Variants in P4HTM observed in about 807,000 individuals in gnomAD.
P4HTM encodes the protein prolyl 4-hydroxylase, transmembrane.
P4HTM carries 33 observed loss-of-function variants against 55.3 expected under a neutral mutation model. The observed-to-expected ratio is 0.60, with a 90% confidence interval of 0.45 to 0.80. The LOEUF (loss-of-function observed/expected upper bound fraction) is 0.80. Ranked by LOEUF, P4HTM falls within the 30% of genes least tolerant of loss-of-function variation. P4HTM has a pLI of 0.00. For synonymous variants in P4HTM, 272 were observed against 286.4 expected, an observed-to-expected ratio of 0.95 and a Z score of 0.51; for missense variants, 542 against 696.5, an observed-to-expected ratio of 0.78 and a Z score of 2.50.
rs1480805652 is a variant in P4HTM at position 49,002,607 on chromosome 3, A to G, written c.724+11A>G. 1 of 1,594,172 alleles carries G rather than the reference A, an allele frequency of 6.3e-7. No individual in the cohort carries two copies. The highest frequency in any genetic ancestry group is 1.3e-5 in the African/African-American group (1 of 74,460). On this transcript the variant is annotated intron_variant, in intron 4 of 8. Coordinates refer to ENST00000383729, the MANE Select transcript of P4HTM (RefSeq NM_177939.3). The surrounding 1 kb of genome is among the most constrained non-coding windows in gnomAD (Gnocchi z 4.4). ...ACCCTGATGGTGACGGTGAGCTCAC[A>G]CCTCTGCACAGTCCTATCCCCGTGA...
At position 49,006,173 on chromosome 3, in the gene P4HTM, T is replaced by G. The variant is rs750259045; in HGVS notation, c.1274T>G (p.Leu425Arg). 6 of 1,612,402 alleles carry G rather than the reference T, an allele frequency of 3.7e-6. No homozygotes were observed. Among genetic ancestry groups the G allele is most frequent in the Non-Finnish European group, 4.2e-6 (5 of 1,179,642 alleles). ...ACAGCAGTCTTCTGGTACAACTACC[T>G]GCCTGATGGGCAAGGTGAGGGCCTA... ...QGTAVFWYNYLPDGQGWVGDV... is the reference protein window; with the variant it reads ...QGTAVFWYNYRPDGQGWVGDV... The change falls in exon 8 of 9, where the codon CTG becomes CGG. Residue 425 changes from leucine to arginine, a missense_variant. Leu to Arg is a moderately radical substitution (Grantham distance 102). This residue lies in a region of P4HTM where 536 missense variants were observed against 672.1 expected (regional missense o/e 0.80). Transcript: ENST00000383729.
rs1402557139 is a variant in P4HTM at position 48,990,936 on chromosome 3, G to A, written c.436+22G>A. 3 of 1,603,668 alleles carry A rather than the reference G, an allele frequency of 1.9e-6. No individual in the cohort carries two copies. The highest frequency in any genetic ancestry group is 2.2e-5 in the East Asian group (1 of 44,726). Reference sequence around the variant, plus strand: ...TTCGGTAAGTCCGCCAGATACTCCTGGGAAGGGCCAGGGGCTGCGGTTTGG... The same window carrying A: ...TTCGGTAAGTCCGCCAGATACTCCTAGGAAGGGCCAGGGGCTGCGGTTTGG... On this transcript the variant is annotated intron_variant, in intron 2 of 8. Transcript: ENST00000383729. The surrounding 1 kb of genome is among the most constrained non-coding windows in gnomAD (Gnocchi z 7.2).
At position 49,002,920 on chromosome 3, in the gene P4HTM, C is replaced by A. The variant is rs1258240636; in HGVS notation, c.724+324C>A. ...GAGAACAGAGTGGGTGGAGCAGGAG[C>A]AAGGCGACAGTGAGGCCAGCTAGAG... On this transcript the variant is annotated intron_variant, in intron 4 of 8. Coordinates refer to ENST00000383729, the MANE Select transcript of P4HTM (RefSeq NM_177939.3). This position sits in a 1 kb window ranked among gnomAD's most constrained non-coding sequence, Gnocchi z 4.4. 1 of 417,392 alleles carries A rather than the reference C, an allele frequency of 2.4e-6. No homozygotes were observed. Among genetic ancestry groups the A allele is most frequent in the Non-Finnish European group, 4.5e-6 (1 of 220,254 alleles). 25.9% of individuals were successfully genotyped at this position (417,392 alleles called of 1,614,324 possible).
Position 49,002,530 on chromosome 3 carries a change from T to C in P4HTM, c.658T>C (p.Trp220Arg), listed in dbSNP as rs2092964251. ...VLAQTRLGNG[W>R]WMTPESIQEM... Reference sequence around the variant, plus strand: ...GGCCCAGACTCGCCTGGGAAATGGATGGTGGATGACTCCAGAGAGCATTCA... The same window carrying C: ...GGCCCAGACTCGCCTGGGAAATGGACGGTGGATGACTCCAGAGAGCATTCA... Residue 220 changes from tryptophan (W) to arginine (R), a missense_variant, in exon 4 of 9, where the codon TGG becomes CGG. By Grantham distance (101) the Trp-to-Arg change is moderately radical. This residue lies in a region of P4HTM where 536 missense variants were observed against 672.1 expected (regional missense o/e 0.80). Transcript: ENST00000383729. This position sits in a 1 kb window ranked among gnomAD's most constrained non-coding sequence, Gnocchi z 4.4. 1 of 1,614,066 alleles carries C rather than the reference T, an allele frequency of 6.2e-7. No individual in the cohort carries two copies. The highest frequency in any genetic ancestry group is 1.7e-5 in the Admixed American group (1 of 60,024).
At position 49,005,718 on chromosome 3, in the gene P4HTM, G is replaced by A. The variant is rs2092976427; in HGVS notation, c.1074-59G>A. The A allele has an allele frequency of 6.5e-7, 1 of 1,529,216 alleles. No homozygotes were observed. The highest frequency in any genetic ancestry group is 8.8e-7 in the Non-Finnish European group (1 of 1,142,008). 94.7% of individuals were successfully genotyped at this position (1,529,216 alleles called of 1,614,324 possible). On this transcript the variant is annotated intron_variant, in intron 6 of 8. Coordinates refer to ENST00000383729, the MANE Select transcript of P4HTM (RefSeq NM_177939.3). Reference sequence around the variant, plus strand: ...CCTGGGCAGCTTATCCTGCCCACAGGTAAGCCCCTGGGAGCATCCACAACT... The same window carrying A: ...CCTGGGCAGCTTATCCTGCCCACAGATAAGCCCCTGGGAGCATCCACAACT...
chr3:48,997,727 C>G (rs1461024076), intron 2 of P4HTM: 1 of 152,220 alleles, frequency 6.6e-6, no homozygotes, highest in Non-Finnish European at 1.5e-5. Context: ...TAGCAATGTC[C>G]TATGCTTGTA....
Position 49,004,215 on chromosome 3 carries a change from A to T in P4HTM, c.842A>T (p.Tyr281Phe). The part of the protein sequence containing the change: ...LVRNSHHTWL[Y>F]QGEGAHHIMR... Reference sequence around the variant, plus strand: ...CGGAACAGCCACCATACCTGGCTCTACCAGGGTGAGGGTGCCCACCACATC... The same window carrying T: ...CGGAACAGCCACCATACCTGGCTCTTCCAGGGTGAGGGTGCCCACCACATC... The change falls in exon 5 of 9, where the codon TAC becomes TTC. Residue 281 changes from tyrosine (Y) to phenylalanine (F), a missense_variant. By Grantham distance (22) the Tyr-to-Phe change is conservative (BLOSUM62 3). Coordinates refer to ENST00000383729, the MANE Select transcript of P4HTM (RefSeq NM_177939.3). 6.5e-7 allele frequency: 1 copy of T among 1,549,152 alleles called. No homozygotes were observed. The highest frequency in any genetic ancestry group is 8.7e-7 in the Non-Finnish European group (1 of 1,146,786).
intron 2 of P4HTM, among the ~76,000 whole-genome samples, chr3:49,000,691 C>A (rs975473286): frequency 1.2e-4 from 19 of 152,248 alleles, no homozygotes; most frequent in Non-Finnish European, 2.9e-5. Flanking sequence ...ACCAAGCCAC[C>A]TACCAGCTGT....
intron 2 of P4HTM, among the ~76,000 whole-genome samples, chr3:48,992,380 C>A (rs1266612717): frequency 1.3e-5 from 2 of 151,780 alleles, no homozygotes; most frequent in East Asian, 3.9e-4. Flanking sequence ...CTGAGGCAGG[C>A]AGATCACTTC....
At chr3:48,992,644 T>TCAG (rs1360415916) in intron 2 of P4HTM, among the ~76,000 whole-genome samples, 1 of 147,736 alleles carries the variant, frequency 6.8e-6, no homozygotes, top group Non-Finnish European at 1.5e-5. Flanking sequence ...AGGCAGAAGT[T>TCAG]CAGCTGGGAT....
intron 2 of P4HTM, among the ~76,000 whole-genome samples, chr3:48,994,434 G>A (rs542028018): frequency 3.6e-4 from 55 of 152,314 alleles, no homozygotes; most frequent in African/African-American, 1.3e-3. Flanking sequence ...TCTCAAGGAA[G>A]ACCCCGTGCA....
At chr3:48,991,086 C>T (rs2092929985) in intron 2 of P4HTM, 172 bp downstream of exon 2, 4 of 597,518 alleles carry the variant, frequency 6.7e-6, no homozygotes, top group African/African-American at 3.7e-5. Flanking sequence ...GGTAACACTC[C>T]CTCTTATCCC....
chr3:48,990,500 G>C lies in P4HTM; in HGVS notation c.244G>C (p.Val82Leu). ...LGNVLALLLFVHYSNGDESSD... is the reference protein window; with the variant it reads ...LGNVLALLLFLHYSNGDESSD... The stretch of plus-strand genomic sequence containing the variant: ...TAACGTGCTGGCGCTGCTGCTCTTC[G>C]TGCACTACAGCAACGGCGACGAAAG... The change falls in exon 1 of 9, where the codon GTG (valine) becomes CTG (leucine). Residue 82 changes from valine to leucine, a missense_variant. Coordinates refer to ENST00000383729, the MANE Select transcript of P4HTM (RefSeq NM_177939.3). The surrounding 1 kb of genome is among the most constrained non-coding windows in gnomAD (Gnocchi z 7.2). The C allele has an allele frequency of 6.2e-7, 1 of 1,611,306 alleles. No homozygotes were observed. Among genetic ancestry groups the C allele is most frequent in the Non-Finnish European group, 8.5e-7 (1 of 1,179,438 alleles).
chr3:48,990,970 T>C lies in P4HTM; in HGVS notation c.436+56T>C. 7.6e-7 allele frequency: 1 copy of C among 1,323,552 alleles called. No homozygotes were observed. The highest frequency in any genetic ancestry group is 1.1e-6 in the Non-Finnish European group (1 of 924,920). 82.0% of individuals were successfully genotyped at this position (1,323,552 alleles called of 1,614,324 possible). A position where few individuals can be genotyped will look rare whatever the true frequency, so the allele number is the denominator to read the frequency against. ...CAGGGGCTGCGGTTTGGTGGCCACC[T>C]TGAGGCTCGTTGTGACCACGTGACC... is the stretch of plus-strand genomic sequence containing the variant. On this transcript the variant is annotated intron_variant, in intron 2 of 8. Transcript: ENST00000383729. This position sits in a 1 kb window ranked among gnomAD's most constrained non-coding sequence, Gnocchi z 7.2.
chr3:48,996,651 C>T (rs995788616), intron 2 of P4HTM, among the ~76,000 whole-genome samples: 1 of 152,298 alleles, frequency 6.6e-6, no homozygotes, highest in African/African-American at 2.4e-5. Flanking sequence ...TGAGCCACTG[C>T]GCCTGGCTAG....
Position 49,005,175 on chromosome 3 carries a change from G to C in P4HTM, c.1073+129G>C. On this transcript the variant is annotated intron_variant, in intron 6 of 8. Transcript: ENST00000383729. ...GGAGATCACTGGGTTATCCCGGTTA[G>C]TGATGCCCTCACCTCTCCCCACAAG... is the stretch of plus-strand genomic sequence containing the variant. The C allele has an allele frequency of 6.3e-7, 1 of 1,599,528 alleles. No homozygotes were observed. The highest frequency in any genetic ancestry group is 8.5e-7 in the Non-Finnish European group (1 of 1,173,118).
intron 2 of P4HTM, among the ~76,000 whole-genome samples, chr3:49,000,772 A>G (rs2092958671): frequency 6.6e-6 from 1 of 152,192 alleles, no homozygotes; most frequent in Admixed American, 6.5e-5. Context: ...AGGGGTGTAG[A>G]GGCATAGAGT....
At chr3:48,992,245 G>C (rs980813961) in intron 2 of P4HTM, 1 of 152,216 alleles carries the variant, frequency 6.6e-6, no homozygotes, top group Non-Finnish European at 1.5e-5. Flanking sequence ...TGGTGTGTCA[G>C]ATGGTGATAT....
chr3:49,000,990 AT>A, intron 2 of P4HTM: 1 of 257,516 alleles, frequency 3.9e-6, no homozygotes. Context: ...GAAACATTGG[AT>A]GTCTTGTGCT....
Sources: allele counts gnomAD v4.1 joint callset (sites outside exome capture counted in the v4.1 genomes callset), GRCh38; gene constraint gnomAD v4.1.1; regional missense constraint gnomAD v4.1.1; non-coding constraint Gnocchi (gnomAD v3.1); transcripts MANE v1.5; gene names NCBI Gene and HGNC (gene_info 2026-07-23, HGNC 2026-07-21).